Variants in TMEM117 observed in about 807,000 individuals in gnomAD.
TMEM117 encodes the protein transmembrane protein 117.
A neutral mutation model predicts 52.4 loss-of-function variants in TMEM117; 27 were observed. The ratio of observed to expected loss-of-function variants is 0.51; its 90% CI spans 0.38 to 0.71. TMEM117 has a LOEUF of 0.71. Among genes scored for constraint, TMEM117 ranks in the 30% least tolerant of loss-of-function variants. The pLI is 0.00. For synonymous variants in TMEM117, 215 were observed against 206.3 expected, an observed-to-expected ratio of 1.04 and a Z score of -0.36; for missense variants, 556 against 630.5, an observed-to-expected ratio of 0.88 and a Z score of 1.26.
rs75696940 is a variant in TMEM117 at position 44,063,729 on chromosome 12, G to A, written c.411-79796G>A. 1.6e-3 allele frequency among the ~76,000 whole-genome samples: 232 copies of A among 146,982 alleles called. 4 individuals carry two copies. The East Asian group carries it at 0.038, about 24-fold the overall frequency. The stretch of plus-strand genomic sequence containing the variant: ...GAGAACATGCGACGTTTGGTATTTT[G>A]TCCTTCCCTCTGTACATTGTTCTTA... On this transcript the variant is annotated intron_variant, in intron 3 of 7. Transcript: ENST00000266534.
At chr12:43,923,544 G>A (rs920160025) in intron 2 of TMEM117, among the ~76,000 whole-genome samples, 2 of 152,052 alleles carry the variant, frequency 1.3e-5, no homozygotes, top group Admixed American at 6.6e-5. Context: ...AACTCATCAC[G>A]TTATTACTTC....
rs545109043 is a variant in TMEM117, at chr12:44,126,102, T to C, written c.411-17423T>C. Among the ~76,000 whole-genome samples, 9 of 152,294 alleles carry C rather than the reference T, an allele frequency of 5.9e-5. No homozygotes were observed. The South Asian group carries it at 8.3e-4, about 14-fold the overall frequency. On this transcript the variant is annotated intron_variant, in intron 3 of 7. Coordinates refer to ENST00000266534, the MANE Select transcript of TMEM117 (RefSeq NM_032256.3). ...CTGTTATGACTTCAGGTTTTTTTTT[T>C]CTTTGCATTTGCTGAGGAATGTTTT... is the stretch of plus-strand genomic sequence containing the variant.
At chr12:44,296,622 A>C (rs1036678229) in intron 5 of TMEM117, among the ~76,000 whole-genome samples, 1 of 152,214 alleles carries the variant, frequency 6.6e-6, no homozygotes, top group Non-Finnish European at 1.5e-5. Flanking sequence ...GGGCTCTTTC[A>C]GCATCTACAG....
intron 6 of TMEM117, among the ~76,000 whole-genome samples, chr12:44,364,852 A>C (rs1217122082): frequency 6.6e-6 from 1 of 152,106 alleles, no homozygotes; most frequent in African/African-American, 2.4e-5. Flanking sequence ...TGTTGGGAGT[A>C]CAAATCTTAA....
intron 3 of TMEM117, among the ~76,000 whole-genome samples, chr12:44,001,343 C>CA (rs1946113951): frequency 6.6e-6 from 1 of 152,180 alleles, no homozygotes; most frequent in Non-Finnish European, 1.5e-5. Context: ...GGAGAAAGTA[C>CA]AGGAGAGGTG....
chr12:44,236,796 A>G (rs542738948), intron 5 of TMEM117, among the ~76,000 whole-genome samples: 10 of 152,226 alleles, frequency 6.6e-5, no homozygotes, highest in South Asian at 2.1e-4. Context: ...CGTCAATACA[A>G]GTTCAAGGCT....
intron 7 of TMEM117, among the ~76,000 whole-genome samples, chr12:44,384,727 T>C (rs76892858): frequency 5.9e-5 from 9 of 152,296 alleles, no homozygotes; most frequent in African/African-American, 2.2e-4. Context: ...TAATCACTTT[T>C]AGGATATATC....
At chr12:44,308,920 G>A (rs963495177) in intron 6 of TMEM117, among the ~76,000 whole-genome samples, 1 of 152,044 alleles carries the variant, frequency 6.6e-6, no homozygotes, top group Non-Finnish European at 1.5e-5. Context: ...CGCCCGGCCT[G>A]TAACTATTTT....
At chr12:43,805,034 A>C in the TMEM117 span, among the ~76,000 whole-genome samples, 8 of 152,392 alleles carry the variant, frequency 5.2e-5, no homozygotes, top group Non-Finnish European at 1.0e-4. Context: ...ACTTGTTTAA[A>C]GAAAAAGACA....
the TMEM117 span, among the ~76,000 whole-genome samples, chr12:43,814,825 A>AC: frequency 2.0e-5 from 3 of 148,600 alleles, no homozygotes; most frequent in Non-Finnish European, 4.5e-5. Flanking sequence ...GCTCACTGCA[A>AC]CCTCTGCCTC....
chr12:43,888,410 G>A (rs994317726), intron 2 of TMEM117, among the ~76,000 whole-genome samples: 1 of 152,104 alleles, frequency 6.6e-6, no homozygotes, highest in African/African-American at 2.4e-5. Context: ...GTTAGTAGGG[G>A]TTTGCATCAT....
chr12:44,387,524 A>G (rs566038600), intron 7 of TMEM117, among the ~76,000 whole-genome samples: 1 of 152,240 alleles, frequency 6.6e-6, no homozygotes, highest in South Asian at 2.1e-4. Context: ...TAATGGTTTA[A>G]TCAACAGGTC....
intron 5 of TMEM117, among the ~76,000 whole-genome samples, chr12:44,236,682 G>A (rs757421913): frequency 9.9e-5 from 15 of 151,946 alleles, no homozygotes; most frequent in East Asian, 1.9e-4. Flanking sequence ...TATAATAGGC[G>A]GTTTATATTT....
chr12:43,876,209 G>A (rs770770816), intron 2 of TMEM117, among the ~76,000 whole-genome samples: 49 of 152,116 alleles, frequency 3.2e-4, no homozygotes, highest in Non-Finnish European at 7.3e-5. Flanking sequence ...ACAACAGCTA[G>A]TGTAACTCAT....
At chr12:43,819,910 A>G in the TMEM117 span, among the ~76,000 whole-genome samples, 1 of 152,216 alleles carries the variant, frequency 6.6e-6, no homozygotes, top group Non-Finnish European at 1.5e-5. Flanking sequence ...TGTATTTGGC[A>G]TCCTAATTAT....
At chr12:44,094,721 A>G (rs1947728876) in intron 3 of TMEM117, among the ~76,000 whole-genome samples, 1 of 152,080 alleles carries the variant, frequency 6.6e-6, no homozygotes, top group South Asian at 2.1e-4. Flanking sequence ...CCAAGTCGAT[A>G]TTTCTAAAAA....
chr12:44,311,026 A>G (rs1253386512), intron 6 of TMEM117, among the ~76,000 whole-genome samples: 4 of 152,208 alleles, frequency 2.6e-5, no homozygotes, highest in Non-Finnish European at 5.9e-5. Context: ...GCTAGATGAT[A>G]GTCTCAGTTT....
At chr12:43,956,204 G>A (rs529364113) in intron 3 of TMEM117, among the ~76,000 whole-genome samples, 1 of 152,232 alleles carries the variant, frequency 6.6e-6, no homozygotes, top group South Asian at 2.1e-4. Flanking sequence ...AGACAATCTA[G>A]GCAATACCAT....
the TMEM117 span, chr12:43,805,472 T>C: frequency 1.3e-5 from 6 of 449,402 alleles, no homozygotes; most frequent in South Asian, 6.3e-5. Flanking sequence ...ACTCGTTAAG[T>C]GATCGCGAGT....
Sources: allele counts gnomAD v4.1 joint callset (sites outside exome capture counted in the v4.1 genomes callset), GRCh38; gene constraint gnomAD v4.1.1; transcripts MANE v1.5; gene names NCBI Gene and HGNC (gene_info 2026-07-23, HGNC 2026-07-21).